PRKCA: variants seen among roughly 807,000 people sequenced by gnomAD.
The protein encoded by PRKCA is protein kinase C alpha type.
In PRKCA, 27 loss-of-function variants were observed where a neutral mutation model predicts 87.0. That is an observed-to-expected ratio of 0.31 (90% CI 0.23 to 0.43). The LOEUF is 0.43. PRKCA is among the 20% of genes least tolerant of loss of function. PRKCA has a pLI of 1.00. For synonymous variants in PRKCA, 329 were observed against 311.1 expected, an observed-to-expected ratio of 1.06 and a Z score of -0.61; for missense variants, 518 against 852.3, an observed-to-expected ratio of 0.61 and a Z score of 4.88.
At chr17:66,778,763 C>G (rs1975127757) in intron 14 of PRKCA, among the ~76,000 whole-genome samples, 1 of 151,352 alleles carries the variant, frequency 6.6e-6, no homozygotes, top group Admixed American at 6.6e-5. Flanking sequence ...ATTGATCGAG[C>G]CCGGGGGGTC....
At chr17:66,543,589 G>A (rs1397040506) in intron 3 of PRKCA, among the ~76,000 whole-genome samples, 1 of 152,118 alleles carries the variant, frequency 6.6e-6, no homozygotes, top group Non-Finnish European at 1.5e-5. Flanking sequence ...TATACTCTAA[G>A]CTCCATTGAC....
chr17:66,729,981 C>T (rs1259739829), intron 8 of PRKCA, among the ~76,000 whole-genome samples: 1 of 151,964 alleles, frequency 6.6e-6, no homozygotes, highest in Admixed American at 6.6e-5. Flanking sequence ...TTAGTAGAAA[C>T]AGGGTTTCAC....
Position 66,459,823 on chromosome 17 carries a change from C to CTTTTAT in PRKCA, c.206-36361_206-36356dup, listed in dbSNP as rs545671842. Among the ~76,000 whole-genome samples the CTTTTAT allele has an allele frequency of 1.6e-4, 25 of 152,194 alleles. No homozygotes were observed. In the East Asian group the frequency reaches 4.2e-3, roughly 26 times the overall value. ...TCTCTACTGCTTTCTGATCTTTTTA[C>CTTTTAT]TTTTATTTTTATTTTTATTTTTTAG... On this transcript the variant is annotated intron_variant, in intron 2 of 16. Transcript: ENST00000413366.
chr17:66,683,206 T>C (rs1972536066), intron 5 of PRKCA, among the ~76,000 whole-genome samples: 1 of 152,264 alleles, frequency 6.6e-6, no homozygotes, highest in African/African-American at 2.4e-5. Context: ...CTTCCATTTA[T>C]GGCAAACAAT....
At chr17:66,392,305 C>CA (rs763754078) in intron 2 of PRKCA, among the ~76,000 whole-genome samples, 48 of 151,130 alleles carry the variant, frequency 3.2e-4, no homozygotes, top group Admixed American at 1.4e-3. Context: ...AGTTACTTTC[C>CA]AAAAAAAATG....
chr17:66,689,016 A>G lies in PRKCA; in HGVS notation c.887A>G (p.Glu296Gly). ...YNVPIPEGDE[E>G]GNMELRQKFE... Reference sequence around the variant, plus strand: ...GTACCCATTCCGGAAGGGGACGAGGAAGGAAACATGGAACTCAGGCAGAAA... The same window carrying G: ...GTACCCATTCCGGAAGGGGACGAGGGAGGAAACATGGAACTCAGGCAGAAA... Residue 296 changes from glutamate to glycine, a missense_variant, in exon 8 of 17, where the codon GAA becomes GGA. Transcript: ENST00000413366. The surrounding 1 kb of genome is among the most constrained non-coding windows in gnomAD (Gnocchi z 4.1). 1 of 1,602,520 alleles carries G rather than the reference A, an allele frequency of 6.2e-7. No homozygotes were observed.
intron 3 of PRKCA, among the ~76,000 whole-genome samples, chr17:66,592,531 G>A (rs1206982112): frequency 1.3e-5 from 2 of 151,996 alleles, no homozygotes; most frequent in South Asian, 2.1e-4. Context: ...TTTTTCGCCG[G>A]TGCGTCCAAG....
chr17:66,767,467 A>G (rs1305590150), intron 13 of PRKCA, among the ~76,000 whole-genome samples: 1 of 152,206 alleles, frequency 6.6e-6, no homozygotes, highest in Non-Finnish European at 1.5e-5. Context: ...TCACTCACCC[A>G]AAGAGAATTT....
At chr17:66,469,888 C>T (rs1185199177) in intron 2 of PRKCA, among the ~76,000 whole-genome samples, 1 of 152,140 alleles carries the variant, frequency 6.6e-6, no homozygotes, top group Non-Finnish European at 1.5e-5. Flanking sequence ...ACATAAACCT[C>T]TAGGATCCAG....
intron 5 of PRKCA, among the ~76,000 whole-genome samples, chr17:66,657,558 G>A (rs1354131742): frequency 6.6e-6 from 1 of 152,184 alleles, no homozygotes; most frequent in Non-Finnish European, 1.5e-5. Context: ...TCAGCTGGGA[G>A]TGGGGGTACA....
At chr17:66,377,749 G>T (rs1280632816) in intron 2 of PRKCA, among the ~76,000 whole-genome samples, 1 of 102,494 alleles carries the variant, frequency 9.8e-6, no homozygotes, top group Non-Finnish European at 1.8e-5. Flanking sequence ...TTTTGAGGCA[G>T]GACCTCACTC....
intron 2 of PRKCA, among the ~76,000 whole-genome samples, chr17:66,329,529 T>G (rs1222890208): frequency 6.6e-6 from 1 of 152,190 alleles, no homozygotes; most frequent in African/African-American, 2.4e-5. Flanking sequence ...AGAGGGCTGA[T>G]GGAATCAGTA....
At chr17:66,642,439 G>A (rs564645221) in intron 4 of PRKCA, among the ~76,000 whole-genome samples, 12 of 150,538 alleles carry the variant, frequency 8.0e-5, no homozygotes, top group South Asian at 4.2e-4. Context: ...TGCTTTGATC[G>A]TTCTTAAAGT....
chr17:66,661,133 A>G (rs1405333186), intron 5 of PRKCA, among the ~76,000 whole-genome samples: 2 of 152,142 alleles, frequency 1.3e-5, no homozygotes, highest in African/African-American at 4.8e-5. Flanking sequence ...CTTTCTTTGC[A>G]TTGCAGAAAA....
chr17:66,558,794 G>A (rs1212404355), intron 3 of PRKCA, among the ~76,000 whole-genome samples: 1 of 152,132 alleles, frequency 6.6e-6, no homozygotes, highest in African/African-American at 2.4e-5. Context: ...CGCAGCTGGG[G>A]TGGTGGCAGC....
chr17:66,571,718 A>G (rs917581806), intron 3 of PRKCA, among the ~76,000 whole-genome samples: 7 of 152,222 alleles, frequency 4.6e-5, no homozygotes, highest in Admixed American at 1.3e-4. Context: ...GACGGTAGAC[A>G]TATACTTTTG....
intron 14 of PRKCA, chr17:66,778,004 A>T: frequency 1.0e-6 from 1 of 985,402 alleles, no homozygotes; most frequent in Non-Finnish European, 1.2e-6. Flanking sequence ...GCTCTGCCAC[A>T]CTGGCCTCAG....
chr17:66,678,110 C>T (rs1433778418), intron 5 of PRKCA, among the ~76,000 whole-genome samples: 1 of 152,194 alleles, frequency 6.6e-6, no homozygotes, highest in Non-Finnish European at 1.5e-5. Context: ...TGGGGAAATT[C>T]TTCTGGATGA....
intron 3 of PRKCA, among the ~76,000 whole-genome samples, chr17:66,507,648 G>C (rs999142942): frequency 2.0e-5 from 3 of 152,176 alleles, no homozygotes. Context: ...CTTGGTTTAG[G>C]TCCTTCTGAA....
Sources: gnomAD v4.1 joint callset for allele counts (sites outside exome capture counted in the v4.1 genomes callset) on GRCh38, gnomAD v4.1.1 for gene constraint, Gnocchi (gnomAD v3.1) non-coding constraint, MANE v1.5 for transcripts, NCBI Gene and HGNC (gene_info 2026-07-23, HGNC 2026-07-21) for gene names.